The following RGS7 variants were observed in gnomAD, a reference collection of about 807,000 sequenced individuals.
The protein encoded by RGS7 is regulator of G protein signaling 7.
Under a neutral mutation model 81.1 loss-of-function variants are expected in RGS7, and 27 were observed. The observed-to-expected ratio is 0.33, with a 90% CI of 0.25 to 0.46. The LOEUF (loss-of-function observed/expected upper bound fraction) is 0.46, where lower values mean the gene tolerates loss of function less well. Ranked by LOEUF, RGS7 falls within the 20% of genes least tolerant of loss-of-function variation. The probability of loss-of-function intolerance (pLI) is 1.00; values close to 1 mark genes in which losing one functional copy is unlikely to be tolerated. For synonymous variants in RGS7, 208 were observed against 207.7 expected, an observed-to-expected ratio of 1.00 and a Z score of -0.01; for missense variants, 396 against 607.4, an observed-to-expected ratio of 0.65 and a Z score of 3.66.
intron 1 of RGS7, 135 bp downstream of exon 1, chr1:241,356,764 G>A (rs1488127813): frequency 6.7e-6 from 1 of 149,396 alleles, no homozygotes; most frequent in Non-Finnish European, 1.5e-5. Flanking sequence ...GCCCAGCCCC[G>A]GCGCGGGGCT....
At chr1:240,894,672 A>AT (rs1428662222) in intron 6 of RGS7, among the ~76,000 whole-genome samples, 2 of 148,608 alleles carry the variant, frequency 1.3e-5, no homozygotes, top group Non-Finnish European at 3.0e-5. Flanking sequence ...CTCTCATATC[A>AT]TTTTTTGCGG....
rs144985894 is a variant in RGS7 at position 241,076,048 on chromosome 1, G to T, written c.175+22618C>A. Among the ~76,000 whole-genome samples, 158 of 152,254 alleles carry T rather than the reference G, an allele frequency of 1.0e-3. 1 individual carries two copies. Among genetic ancestry groups the T allele is most frequent in the African/African-American group, 3.5e-3 (145 of 41,550 alleles). On this transcript the variant is annotated intron_variant, in intron 3 of 18. Transcript: ENST00000440928. Reference sequence around the variant, plus strand: ...CAATTTTCAGGTTCCAACTTGCGATGGCTTAACACTCCAGGCCTCCCTAAG... The same window carrying T: ...CAATTTTCAGGTTCCAACTTGCGATTGCTTAACACTCCAGGCCTCCCTAAG...
At chr1:240,982,996 C>T (rs1685146275) in intron 4 of RGS7, 83 bp downstream of exon 4, 1 of 756,898 alleles carries the variant, frequency 1.3e-6, no homozygotes, top group Non-Finnish European at 2.3e-6. Context: ...TGCTTGCGTG[C>T]CATATTAAAA....
intron 9 of RGS7, among the ~76,000 whole-genome samples, chr1:240,867,460 G>A (rs1351925454): frequency 6.6e-6 from 1 of 152,050 alleles, no homozygotes; most frequent in Non-Finnish European, 1.5e-5. Flanking sequence ...GGAAATATAC[G>A]AGGTTGTCTT....
At chr1:241,297,477 G>T (rs1056691187) in intron 2 of RGS7, among the ~76,000 whole-genome samples, 6 of 152,192 alleles carry the variant, frequency 3.9e-5, no homozygotes, top group African/African-American at 1.4e-4. Flanking sequence ...ACTGTAAGGG[G>T]ATGGGGCGGG....
intron 2 of RGS7, among the ~76,000 whole-genome samples, chr1:241,266,923 C>T (rs1227780208): frequency 2.6e-5 from 4 of 152,152 alleles, no homozygotes; most frequent in Non-Finnish European, 5.9e-5. Flanking sequence ...ACTTACAAGA[C>T]CAATCCTATA....
At chr1:241,054,221 G>A (rs971021075) in intron 3 of RGS7, among the ~76,000 whole-genome samples, 3 of 152,176 alleles carry the variant, frequency 2.0e-5, no homozygotes, top group African/African-American at 7.2e-5. Flanking sequence ...AGACAACTAC[G>A]TGTTAAACTA....
At chr1:240,834,568 G>C (rs1405438072) in intron 9 of RGS7, among the ~76,000 whole-genome samples, 1 of 151,986 alleles carries the variant, frequency 6.6e-6, no homozygotes, top group South Asian at 2.1e-4. Flanking sequence ...TGGAGTGCAG[G>C]GGCGTGACCT....
chr1:240,786,331 C>T (rs962362306), intron 18 of RGS7, among the ~76,000 whole-genome samples: 1 of 152,142 alleles, frequency 6.6e-6, no homozygotes. Flanking sequence ...ATGTCATATT[C>T]TGAATAACGT....
intron 7 of RGS7, among the ~76,000 whole-genome samples, chr1:240,869,228 A>G (rs1254741605): frequency 6.6e-6 from 1 of 152,172 alleles, no homozygotes; most frequent in Non-Finnish European, 1.5e-5. Flanking sequence ...CCTACTACGC[A>G]TGCAATCAGC....
chr1:241,306,519 T>C (rs1301474513), intron 2 of RGS7, among the ~76,000 whole-genome samples: 3 of 147,210 alleles, frequency 2.0e-5, no homozygotes, highest in Non-Finnish European at 3.0e-5. Flanking sequence ...CACATGGCCA[T>C]GTACACACGT....
chr1:240,812,133 C>T, intron 13 of RGS7, 90 bp from the exon 14 acceptor site: 2 of 1,409,040 alleles, frequency 1.4e-6, no homozygotes, highest in East Asian at 2.3e-5. Flanking sequence ...TCATGTGTGC[C>T]TCGAAGTTCC....
In RGS7 at chr1:240,998,657, C is replaced by T. The variant is rs956479209; in HGVS notation, c.176-15528G>A. On this transcript the variant is annotated intron_variant, in intron 3 of 18. Coordinates refer to ENST00000440928, the MANE Select transcript of RGS7 (RefSeq NM_001364886.1). ...TTGACTTTGGCCAGGCCTTTGCAAA[C>T]AAGCCAGGCCAAAAGGGTTCAACAT... The T allele has an allele frequency of 5.1e-5, 58 of 1,139,260 alleles. No homozygotes were observed. The South Asian group carries it at 7.0e-4, about 14-fold the overall frequency. 70.6% of individuals were successfully genotyped at this position (1,139,260 alleles called of 1,614,324 possible). A position where few individuals can be genotyped will look rare whatever the true frequency, so the allele number is the denominator to read the frequency against.
intron 3 of RGS7, among the ~76,000 whole-genome samples, chr1:241,004,638 T>C (rs1414791760): frequency 6.6e-6 from 1 of 152,194 alleles, no homozygotes; most frequent in Non-Finnish European, 1.5e-5. Context: ...AAGTCTGGAA[T>C]ATGACTGGAC....
At chr1:240,984,287 C>T (rs1204403882) in intron 3 of RGS7, among the ~76,000 whole-genome samples, 1 of 152,032 alleles carries the variant, frequency 6.6e-6, no homozygotes, top group Non-Finnish European at 1.5e-5. Flanking sequence ...ATATGAAATG[C>T]CTTGTAGTCA....
chr1:240,894,947 T>C (rs2148163544), intron 6 of RGS7, among the ~76,000 whole-genome samples: 1 of 152,330 alleles, frequency 6.6e-6, no homozygotes, highest in East Asian at 1.9e-4. Context: ...AAATTTCATG[T>C]TGAATTGTAA....
chr1:241,280,143 G>C lies in RGS7; in HGVS notation c.78+75556C>G, dbSNP rs74339347. Among the ~76,000 whole-genome samples, 161 of 152,256 alleles carry C rather than the reference G, an allele frequency of 1.1e-3. 1 individual carries two copies. Among genetic ancestry groups the C allele is most frequent in the Middle Eastern group, 3.4e-3 (1 of 294 alleles). ...TTGAGATAATGTCATACTGTAGTTG[G>C]GTGGGCCTCTAATCCAATGTGACTG... On this transcript the variant is annotated intron_variant, in intron 2 of 18. Coordinates refer to ENST00000440928, the MANE Select transcript of RGS7 (RefSeq NM_001364886.1).
At chr1:241,073,127 T>C in intron 3 of RGS7, among the ~76,000 whole-genome samples, 1 of 152,214 alleles carries the variant, frequency 6.6e-6, no homozygotes, top group East Asian at 1.9e-4. Flanking sequence ...CTCTATCCTT[T>C]CTGCTAAGGC....
chr1:240,882,147 A>G (rs1666515246), intron 6 of RGS7, among the ~76,000 whole-genome samples: 4 of 152,070 alleles, frequency 2.6e-5, no homozygotes, highest in Admixed American at 2.6e-4. Context: ...ACCCCTGAGC[A>G]CAAGTGATCC....
Sources: allele counts gnomAD v4.1 joint callset (sites outside exome capture counted in the v4.1 genomes callset), GRCh38; gene constraint gnomAD v4.1.1; transcripts MANE v1.5; gene names NCBI Gene and HGNC (gene_info 2026-07-23, HGNC 2026-07-21).